Variants in GRIK2 observed in about 807,000 individuals in gnomAD.
GRIK2 encodes glutamate receptor ionotropic, kainate 2.
GRIK2 carries 32 observed loss-of-function variants against 100.3 expected under a neutral mutation model. The observed-to-expected ratio is 0.32, with a 90% confidence interval of 0.24 to 0.43. GRIK2 has a LOEUF of 0.43. GRIK2 is among the 20% of genes least tolerant of loss of function. The pLI, the probability that GRIK2 is intolerant of heterozygous loss-of-function variation, is 1.00. For synonymous variants in GRIK2, 417 were observed against 389.4 expected (o/e 1.07, Z -0.83); for missense variants, 843 against 1,114.9 (o/e 0.76, Z 3.47).
chr6:101,845,002 TTTG>T (rs141350986), intron 10 of GRIK2, among the ~76,000 whole-genome samples: 1,589 of 150,980 alleles, frequency 0.011, 14 homozygotes, highest in Middle Eastern at 0.051. Flanking sequence ...TCATTGTTTG[TTTG>T]TTGTTGTTGT....
rs143090146 is a variant in GRIK2 at position 101,980,042 on chromosome 6, G to T, written c.2085+51410G>T. Among the ~76,000 whole-genome samples, 5 of 152,074 alleles carry T rather than the reference G, an allele frequency of 3.3e-5. No individual in the cohort carries two copies. In the East Asian group the frequency reaches 9.8e-4, roughly 30 times the overall value. On this transcript the variant is annotated intron_variant, in intron 14 of 16. Transcript: ENST00000369134. The stretch of plus-strand genomic sequence containing the variant: ...TTGTCAGAGGGGCTTCTTTGAAGGA[G>T]TGACATTTAACATTTTTTCGAAAGG...
At chr6:101,918,184 T>C (rs892095371) in intron 12 of GRIK2, among the ~76,000 whole-genome samples, 11 of 25,154 alleles carry the variant, frequency 4.4e-4, no homozygotes, top group Admixed American at 1.9e-3. Flanking sequence ...AGGATTGTTA[T>C]GTAATAATGA....
intron 7 of GRIK2, among the ~76,000 whole-genome samples, chr6:101,783,018 G>A (rs535632469): frequency 4.1e-4 from 62 of 151,866 alleles, no homozygotes; most frequent in Admixed American, 7.2e-4. Flanking sequence ...CACCATGCCC[G>A]GCTAATTTTT....
At chr6:101,793,709 C>T (rs555683690) in intron 7 of GRIK2, among the ~76,000 whole-genome samples, 5 of 152,122 alleles carry the variant, frequency 3.3e-5, no homozygotes, top group African/African-American at 1.2e-4. Flanking sequence ...TCTCCAGCTG[C>T]CTGCTGGGAG....
chr6:101,973,659 T>C (rs1349392968), intron 14 of GRIK2, among the ~76,000 whole-genome samples: 1 of 151,898 alleles, frequency 6.6e-6, no homozygotes, highest in Admixed American at 6.6e-5. Flanking sequence ...TTTTAAAGGA[T>C]CAGGAATGTG....
At chr6:101,441,546 G>A (rs183497558) in intron 2 of GRIK2, among the ~76,000 whole-genome samples, 27 of 152,198 alleles carry the variant, frequency 1.8e-4, no homozygotes, top group South Asian at 6.2e-4. Flanking sequence ...CATGCTTGGC[G>A]CGGTCAAACA....
rs557483594 is a variant in GRIK2, at chr6:101,432,550, T to A, written c.115+33158T>A. 2.2e-3 allele frequency among the ~76,000 whole-genome samples: 331 copies of A among 152,320 alleles called. 1 individual carries two copies. The highest frequency in any genetic ancestry group is 7.6e-3 in the African/African-American group (314 of 41,582). On this transcript the variant is annotated intron_variant, in intron 2 of 16. Transcript: ENST00000369134. Reference sequence around the variant, plus strand: ...AAGATGAATGGGGTTCTGTCCCATATTCTCATAATCTACAGGAGGAGATTG... The same window carrying A: ...AAGATGAATGGGGTTCTGTCCCATAATCTCATAATCTACAGGAGGAGATTG...
At chr6:101,545,594 C>T (rs1258149207) in intron 2 of GRIK2, among the ~76,000 whole-genome samples, 3 of 152,158 alleles carry the variant, frequency 2.0e-5, no homozygotes, top group Non-Finnish European at 2.9e-5. Flanking sequence ...TTCATAGACA[C>T]TTGGCTTGAT....
At chr6:101,740,898 C>T (rs1245696236) in intron 7 of GRIK2, among the ~76,000 whole-genome samples, 2 of 152,148 alleles carry the variant, frequency 1.3e-5, no homozygotes, top group African/African-American at 4.8e-5. Flanking sequence ...TGCCCACTGA[C>T]CCAAACACCT....
chr6:101,662,278 G>T (rs1040082358), intron 4 of GRIK2, among the ~76,000 whole-genome samples: 2 of 152,178 alleles, frequency 1.3e-5, no homozygotes, highest in Non-Finnish European at 2.9e-5. Context: ...TAGTTAGAAA[G>T]AAAATAATGA....
chr6:101,853,831 C>T (rs1299145570), intron 10 of GRIK2, among the ~76,000 whole-genome samples: 1 of 151,960 alleles, frequency 6.6e-6, no homozygotes, highest in Non-Finnish European at 1.5e-5. Flanking sequence ...TGAAAGAAAA[C>T]AATCTGAAAA....
At chr6:101,516,874 T>C (rs1022988478) in intron 2 of GRIK2, among the ~76,000 whole-genome samples, 1 of 152,070 alleles carries the variant, frequency 6.6e-6, no homozygotes, top group African/African-American at 2.4e-5. Context: ...AACACATCTT[T>C]TTACTATGTT....
At chr6:101,984,981 C>T (rs1319745285) in intron 14 of GRIK2, among the ~76,000 whole-genome samples, 2 of 151,616 alleles carry the variant, frequency 1.3e-5, no homozygotes, top group Non-Finnish European at 3.0e-5. Flanking sequence ...ATCTTCCTCT[C>T]TGGTGGAACC....
At chr6:101,912,045 C>T (rs1454132914) in intron 12 of GRIK2, among the ~76,000 whole-genome samples, 1 of 2,702 alleles carries the variant, frequency 3.7e-4, no homozygotes. Flanking sequence ...CCAGGGGCAA[C>T]GCACACACAC....
intron 2 of GRIK2, among the ~76,000 whole-genome samples, chr6:101,509,441 C>G (rs1186642841): frequency 6.6e-6 from 1 of 152,082 alleles, no homozygotes; most frequent in East Asian, 1.9e-4. Flanking sequence ...ACCTGAAGGT[C>G]GAAAGTGTTT....
intron 7 of GRIK2, among the ~76,000 whole-genome samples, chr6:101,706,821 G>A (rs1773335724): frequency 6.6e-6 from 1 of 151,938 alleles, no homozygotes; most frequent in Non-Finnish European, 1.5e-5. Context: ...CAGCCTATCT[G>A]AAGAGCAGCC....
At position 101,915,531 on chromosome 6, in the gene GRIK2, T is replaced by C. The variant is rs1363389618; in HGVS notation, c.1749-9070T>C. 3.4e-5 allele frequency among the ~76,000 whole-genome samples: 5 copies of C among 145,558 alleles called. 1 individual carries two copies. Among genetic ancestry groups the C allele is most frequent in the African/African-American group, 1.3e-4 (5 of 39,600 alleles). On this transcript the variant is annotated intron_variant, in intron 12 of 16. Coordinates refer to ENST00000369134, the MANE Select transcript of GRIK2 (RefSeq NM_021956.5). Reference sequence around the variant, plus strand: ...AAAGAAACCTTTATTTTATTTACTATGGAATAAAACAGTATTTTAGGAAAT... The same window carrying C: ...AAAGAAACCTTTATTTTATTTACTACGGAATAAAACAGTATTTTAGGAAAT...
At chr6:101,779,338 T>A (rs1778936535) in intron 7 of GRIK2, among the ~76,000 whole-genome samples, 1 of 152,144 alleles carries the variant, frequency 6.6e-6, no homozygotes, top group Non-Finnish European at 1.5e-5. Flanking sequence ...TTTGACTAGG[T>A]ATAAGATACA....
chr6:101,920,944 G>A (rs1005286171), intron 12 of GRIK2, among the ~76,000 whole-genome samples: 16 of 151,768 alleles, frequency 1.1e-4, no homozygotes, highest in African/African-American at 3.6e-4. Flanking sequence ...ACTGGGAAGC[G>A]GTATATAGAG....
Sources: gnomAD v4.1 joint callset for allele counts (sites outside exome capture counted in the v4.1 genomes callset) on GRCh38, gnomAD v4.1.1 for gene constraint, MANE v1.5 for transcripts, NCBI Gene and HGNC (gene_info 2026-07-23, HGNC 2026-07-21) for gene names.